IL33: variants seen among roughly 807,000 people sequenced by gnomAD.
The protein encoded by IL33 is interleukin 33, also known as interleukin-33.
IL33 carries 37 observed loss-of-function variants against 27.3 expected under a neutral mutation model. The observed-to-expected ratio is 1.36, with a 90% CI of 1.04 to 1.78. The LOEUF (loss-of-function observed/expected upper bound fraction) is 1.78. Ranked by LOEUF, IL33 falls within the 40% of genes most tolerant of loss-of-function variation. The pLI, the probability that IL33 is intolerant of heterozygous loss-of-function variation, is 0.00. For missense variants in IL33, 406 were observed against 311.4 expected (o/e 1.30, Z -2.29); for synonymous variants, 132 against 102.9 (o/e 1.28, Z -1.71).
At position 6,252,856 on chromosome 9, in the gene IL33, T is replaced by G; in HGVS notation, c.344-10T>G. On this transcript the variant is annotated splice_polypyrimidine_tract_variant and intron_variant, in intron 4 of 7. Coordinates refer to ENST00000682010, the MANE Select transcript of IL33 (RefSeq NM_033439.4). ...TTGTGCCTGACAAATTTTTGAATTC[T>G]TAACAACAGGAATTTCACCTATTAC... 1 of 1,596,734 alleles carries G rather than the reference T, an allele frequency of 6.3e-7. No individual in the cohort carries two copies. The highest frequency in any genetic ancestry group is 8.5e-7 in the Non-Finnish European group (1 of 1,175,968).
At chr9:6,251,066 A>G (rs900994842) in intron 3 of IL33, 74 bp from the exon 4 acceptor site, 3 of 1,561,600 alleles carry the variant, frequency 1.9e-6, no homozygotes, top group African/African-American at 2.7e-5. Context: ...AGCAGCCTTA[A>G]CTGGGAATCC....
chr9:6,237,095 C>G (rs909791821), intron 1 of IL33, among the ~76,000 whole-genome samples: 2 of 152,118 alleles, frequency 1.3e-5, no homozygotes, highest in Admixed American at 1.3e-4. Context: ...ACTACAATTG[C>G]TGACTACAGG....
intron 2 of IL33, among the ~76,000 whole-genome samples, chr9:6,246,982 A>G (rs892660741): frequency 6.6e-6 from 1 of 152,220 alleles, no homozygotes; most frequent in African/African-American, 2.4e-5. Flanking sequence ...AATTCAGAAG[A>G]TATACACAGA....
intron 1 of IL33, among the ~76,000 whole-genome samples, chr9:6,225,846 C>T (rs139880123): frequency 9.2e-5 from 14 of 152,260 alleles, no homozygotes; most frequent in African/African-American, 2.9e-4. Context: ...CCTCATCCAC[C>T]TGAGTAACTG....
chr9:6,233,696 A>C (rs1190082491), intron 1 of IL33, among the ~76,000 whole-genome samples: 3 of 152,162 alleles, frequency 2.0e-5, no homozygotes, highest in African/African-American at 7.2e-5. Context: ...GGGTAATATA[A>C]CAGTTATTAT....
rs1816821842 is a variant in IL33, at chr9:6,257,736, G to C, written c.*1568G>C. On this transcript the variant is annotated 3_prime_UTR_variant, in exon 8 of 8. Coordinates refer to ENST00000682010, the MANE Select transcript of IL33 (RefSeq NM_033439.4). ...AGATGTAAGTGCTAGTAGAATATAA[G>C]ATAAAAGAGGCTGAGAATTACCATA... The C allele has an allele frequency of 6.6e-6, 1 of 152,098 alleles. No homozygotes were observed. The highest frequency in any genetic ancestry group is 1.5e-5 in the Non-Finnish European group (1 of 68,004). The allele number at this position is 152,098 out of a possible 1,614,324, so 9.4% of individuals were successfully genotyped here. A position where few individuals can be genotyped will look rare whatever the true frequency, so the allele number is the denominator to read the frequency against.
intron 1 of IL33, among the ~76,000 whole-genome samples, chr9:6,236,018 T>TACACACACACACACACACAC (rs61318432): frequency 1.4e-5 from 2 of 139,700 alleles, no homozygotes; most frequent in African/African-American, 5.4e-5. Context: ...CCCACACCCA[T>TACACACACACACACACACAC]ACACACACAC....
chr9:6,233,175 C>A (rs1456420479), intron 1 of IL33, among the ~76,000 whole-genome samples: 1 of 152,116 alleles, frequency 6.6e-6, no homozygotes, highest in Non-Finnish European at 1.5e-5. Flanking sequence ...AAAGTTAATT[C>A]TTTTTTATAT....
chr9:6,236,223 A>G (rs940823907), intron 1 of IL33, among the ~76,000 whole-genome samples: 8 of 152,256 alleles, frequency 5.3e-5, no homozygotes, highest in African/African-American at 1.9e-4. Context: ...GAAAATATTT[A>G]TGATATAGTG....
intron 4 of IL33, among the ~76,000 whole-genome samples, chr9:6,252,082 ACAAAACAAAAAAACC>A (rs1816421338): frequency 1.6e-5 from 2 of 128,682 alleles, no homozygotes; most frequent in East Asian, 2.3e-4. Flanking sequence ...AAAAAACAAA[ACAAAACAAAAAAACC>A]AACTTTACCT....
intron 2 of IL33, among the ~76,000 whole-genome samples, chr9:6,245,927 G>C (rs1819813124): frequency 6.6e-6 from 1 of 151,528 alleles, no homozygotes; most frequent in Non-Finnish European, 1.5e-5. Flanking sequence ...CCTGGGCATG[G>C]TGGCGGGCGC....
intron 1 of IL33, among the ~76,000 whole-genome samples, chr9:6,216,204 C>T (rs1818135451): frequency 6.6e-6 from 1 of 152,132 alleles, no homozygotes; most frequent in Non-Finnish European, 1.5e-5. Context: ...GATCCTAGCT[C>T]ACTGCAGCCT....
chr9:6,240,953 A>C (rs72689565), intron 1 of IL33, among the ~76,000 whole-genome samples: 27,436 of 151,986 alleles, frequency 0.18, 2,775 homozygotes, highest in Non-Finnish European at 0.22. Flanking sequence ...TTTTAATTTT[A>C]ATTTTTTACT....
chr9:6,243,667 A>C (rs996477302), intron 2 of IL33, among the ~76,000 whole-genome samples: 1 of 152,136 alleles, frequency 6.6e-6, no homozygotes, highest in African/African-American at 2.4e-5. Context: ...AAAGCATGCA[A>C]TTTTAGGATC....
At position 6,256,910 on chromosome 9, in the gene IL33, T is replaced by C. The variant is rs984218723; in HGVS notation, c.*742T>C. 6.6e-6 allele frequency: 1 copy of C among 152,238 alleles called. No homozygotes were observed. Among genetic ancestry groups the C allele is most frequent in the Non-Finnish European group, 1.5e-5 (1 of 68,038 alleles). 9.4% of individuals were successfully genotyped at this position (152,238 alleles called of 1,614,324 possible). On this transcript the variant is annotated 3_prime_UTR_variant, in exon 8 of 8. Transcript: ENST00000682010. ...TATATTGAGTTTAAGCAAGGCATTCTTACACGAGGAAGTGAAGTAAATTTT... is the reference window on the plus strand; with the variant it reads ...TATATTGAGTTTAAGCAAGGCATTCCTACACGAGGAAGTGAAGTAAATTTT...
chr9:6,237,856 C>A (rs898289037), intron 1 of IL33, among the ~76,000 whole-genome samples: 1 of 151,980 alleles, frequency 6.6e-6, no homozygotes, highest in African/African-American at 2.4e-5. Flanking sequence ...CAAGGCAATG[C>A]AGTTTTTATG....
chr9:6,249,214 G>A (rs189032869), intron 2 of IL33, among the ~76,000 whole-genome samples: 1 of 152,296 alleles, frequency 6.6e-6, no homozygotes, highest in Admixed American at 6.5e-5. Flanking sequence ...GAAGCAAGAT[G>A]TGGATTAATT....
At chr9:6,250,369 A>C (rs1422355959) in intron 2 of IL33, 105 bp from the exon 3 acceptor site, 1 of 1,283,734 alleles carries the variant, frequency 7.8e-7, no homozygotes, top group Non-Finnish European at 1.1e-6. Context: ...TTCTGATAAG[A>C]TACTGTGAAC....
chr9:6,219,010 C>T (rs79203103), intron 1 of IL33, among the ~76,000 whole-genome samples: 1,468 of 144,712 alleles, frequency 0.01, 21 homozygotes, highest in African/African-American at 0.032. Flanking sequence ...AGATGTCAGT[C>T]AGACTGTGCC....
Sources: allele counts gnomAD v4.1 joint callset (sites outside exome capture counted in the v4.1 genomes callset), GRCh38; gene constraint gnomAD v4.1.1; transcripts MANE v1.5; gene names NCBI Gene and HGNC (gene_info 2026-07-23, HGNC 2026-07-21).